Variants in CTNNA2 observed in about 807,000 individuals in gnomAD.
CTNNA2 encodes the protein catenin alpha-2.
A neutral mutation model predicts 101.0 loss-of-function variants in CTNNA2; 42 were observed. That is an observed-to-expected ratio of 0.42 (90% CI 0.32 to 0.54). The LOEUF (loss-of-function observed/expected upper bound fraction) is 0.54, where lower values mean the gene tolerates loss of function less well. Ranked by LOEUF, CTNNA2 falls within the 20% of genes least tolerant of loss-of-function variation. The pLI is 0.14. For synonymous variants in CTNNA2, 450 were observed against 456.4 expected, an observed-to-expected ratio of 0.99 and a Z score of 0.18; for missense variants, 871 against 1,223.1, an observed-to-expected ratio of 0.71 and a Z score of 4.29.
chr2:80,625,975 A>AT, intron 18 of CTNNA2, among the ~76,000 whole-genome samples: 1 of 152,144 alleles, frequency 6.6e-6, no homozygotes, highest in South Asian at 2.1e-4. Flanking sequence ...AACCTACAGA[A>AT]TTTTTTCCCA....
chr2:80,206,809 T>A (rs1178100555), intron 7 of CTNNA2, among the ~76,000 whole-genome samples: 1 of 152,232 alleles, frequency 6.6e-6, no homozygotes, highest in Non-Finnish European at 1.5e-5. Context: ...GAATCACTAA[T>A]AATTTGAGCA....
chr2:80,056,036 A>G (rs146416555), intron 7 of CTNNA2, among the ~76,000 whole-genome samples: 1 of 152,222 alleles, frequency 6.6e-6, no homozygotes, highest in Non-Finnish European at 1.5e-5. Context: ...TGGGCAATGC[A>G]TGTTCAACTG....
At chr2:79,239,519 CA>C (rs1674596418) in intron 2 of CTNNA2, among the ~76,000 whole-genome samples, 1 of 151,940 alleles carries the variant, frequency 6.6e-6, no homozygotes, top group Non-Finnish European at 1.5e-5. Flanking sequence ...GACTCCAGCT[CA>C]AAAAACAACA....
At chr2:80,358,683 T>A (rs1370240510) in intron 7 of CTNNA2, among the ~76,000 whole-genome samples, 1 of 152,150 alleles carries the variant, frequency 6.6e-6, no homozygotes, top group African/African-American at 2.4e-5. Flanking sequence ...AGCTTGTACA[T>A]CCCTTAAATA....
At chr2:79,344,850 A>G (rs1251039141) in intron 3 of CTNNA2, among the ~76,000 whole-genome samples, 1 of 145,036 alleles carries the variant, frequency 6.9e-6, no homozygotes, top group African/African-American at 2.5e-5. Context: ...TACAAATATT[A>G]TATATATAAT....
chr2:80,213,383 A>G (rs192999080), intron 7 of CTNNA2, among the ~76,000 whole-genome samples: 1,844 of 152,164 alleles, frequency 0.012, 20 homozygotes, highest in Non-Finnish European at 0.018. Context: ...ACACTGCTTT[A>G]AATGTGTCCC....
chr2:79,363,352 C>T (rs1046902446), intron 3 of CTNNA2, among the ~76,000 whole-genome samples: 25 of 152,134 alleles, frequency 1.6e-4, no homozygotes, highest in African/African-American at 6.0e-4. Context: ...TTAATTACTG[C>T]CTTATTCTAA....
At chr2:80,253,117 C>T (rs1671888951) in intron 7 of CTNNA2, among the ~76,000 whole-genome samples, 1 of 152,058 alleles carries the variant, frequency 6.6e-6, no homozygotes, top group Admixed American at 6.6e-5. Context: ...ATTATATTAA[C>T]CCTAACCCAA....
intron 1 of CTNNA2, among the ~76,000 whole-genome samples, chr2:79,609,386 T>C (rs1205736352): frequency 2.0e-5 from 3 of 152,064 alleles, no homozygotes; most frequent in African/African-American, 4.8e-5. Flanking sequence ...CTACTTCAAA[T>C]TGATTATATG....
intron 9 of CTNNA2, among the ~76,000 whole-genome samples, chr2:80,473,677 A>G (rs1685492177): frequency 6.6e-6 from 1 of 152,078 alleles, no homozygotes; most frequent in Non-Finnish European, 1.5e-5. Flanking sequence ...AACTTTCTCA[A>G]TCTCCATTAT....
intron 4 of CTNNA2, among the ~76,000 whole-genome samples, chr2:79,484,434 C>T (rs1488222894): frequency 6.6e-6 from 1 of 152,014 alleles, no homozygotes; most frequent in Middle Eastern, 3.2e-3. Context: ...CTGACCTACA[C>T]ATATAGGTGG....
At chr2:79,998,285 T>C (rs1022466893) in intron 7 of CTNNA2, among the ~76,000 whole-genome samples, 1 of 152,212 alleles carries the variant, frequency 6.6e-6, no homozygotes, top group Non-Finnish European at 1.5e-5. Context: ...GCATGGATAG[T>C]AGGGAATGAG....
intron 7 of CTNNA2, among the ~76,000 whole-genome samples, chr2:79,910,277 G>A (rs1293938835): frequency 6.6e-6 from 1 of 152,204 alleles, no homozygotes; most frequent in African/African-American, 2.4e-5. Context: ...AGTTCTAAAT[G>A]TAGTAAAATT....
chr2:79,402,359 G>A (rs1003187210), intron 4 of CTNNA2, among the ~76,000 whole-genome samples: 12 of 151,654 alleles, frequency 7.9e-5, no homozygotes, highest in African/African-American at 1.7e-4. Context: ...TGCAAAATAC[G>A]CAATAGTCCC....
chr2:80,340,063 T>G (rs144831203), intron 7 of CTNNA2, among the ~76,000 whole-genome samples: 1 of 152,262 alleles, frequency 6.6e-6, no homozygotes, highest in Admixed American at 6.5e-5. Context: ...GCAGAGAAAA[T>G]AAATAAGATT....
intron 7 of CTNNA2, among the ~76,000 whole-genome samples, chr2:80,210,956 C>A (rs554540982): frequency 1.3e-5 from 2 of 152,192 alleles, no homozygotes; most frequent in East Asian, 1.9e-4. Context: ...TTGCATTTCT[C>A]TGATGGCCAG....
At chr2:79,221,019 A>G (rs1057157602) in intron 2 of CTNNA2, among the ~76,000 whole-genome samples, 1 of 152,250 alleles carries the variant, frequency 6.6e-6, no homozygotes, top group Non-Finnish European at 1.5e-5. Context: ...TTAACTCAGC[A>G]GTGACTTCTA....
intron 2 of CTNNA2, among the ~76,000 whole-genome samples, chr2:79,690,857 A>G (rs1327720680): frequency 6.6e-6 from 1 of 152,006 alleles, no homozygotes; most frequent in Non-Finnish European, 1.5e-5. Context: ...ACATTCACGT[A>G]TTTATACATG....
At chr2:80,641,592 T>C (rs191184924) in intron 18 of CTNNA2, among the ~76,000 whole-genome samples, 4 of 152,260 alleles carry the variant, frequency 2.6e-5, no homozygotes, top group African/African-American at 9.6e-5. Flanking sequence ...AATACTATTA[T>C]TTGTTTTTAA....
Sources: gnomAD v4.1 joint callset for allele counts (sites outside exome capture counted in the v4.1 genomes callset) on GRCh38, gnomAD v4.1.1 for gene constraint, MANE v1.5 for transcripts, NCBI Gene and HGNC (gene_info 2026-07-23, HGNC 2026-07-21) for gene names.